Variants in MZT2B observed in about 807,000 individuals in gnomAD.
MZT2B encodes the protein mitotic-spindle organizing protein 2B.
In MZT2B, 11 loss-of-function variants were observed where a neutral mutation model predicts 12.1. The ratio of observed to expected loss-of-function variants is 0.91; its 90% CI spans 0.57 to 1.50. The LOEUF (loss-of-function observed/expected upper bound fraction) is 1.50. MZT2B is among the 40% of genes most tolerant of loss of function. The probability of loss-of-function intolerance (pLI) is 0.00; values close to 1 mark genes in which losing one functional copy is unlikely to be tolerated. For missense variants in MZT2B, 209 were observed against 227.7 expected (o/e 0.92, Z 0.53); for synonymous variants, 85 against 109.5 (o/e 0.78, Z 1.40).
At chr2:130,198,428 C>T in the MZT2B span, 1 of 1,350,396 alleles carries the variant, frequency 7.4e-7, no homozygotes, top group Admixed American at 2.2e-5. Context: ...CTGCTGAGCG[C>T]CCAACTGCAA....
chr2:130,187,561 G>A (rs1417786187), intron 2 of MZT2B, among the ~76,000 whole-genome samples: 1 of 152,160 alleles, frequency 6.6e-6, no homozygotes, highest in Non-Finnish European at 1.5e-5. Context: ...CAGGGACCAG[G>A]CGTAGGGGCA....
intron 2 of MZT2B, chr2:130,183,938 C>G (rs1414772156): frequency 6.4e-7 from 1 of 1,550,468 alleles, no homozygotes; most frequent in African/African-American, 1.4e-5. Context: ...CCCTCCGCCT[C>G]TCTTGCTGCC....
upstream of MZT2B, chr2:130,182,070 C>T (rs2104951160): frequency 7.4e-7 from 1 of 1,349,616 alleles, no homozygotes; most frequent in Admixed American, 3.2e-5. Context: ...CGCCATGCCA[C>T]TCCCGGCTCC....
chr2:130,183,687 C>G, intron 2 of MZT2B: 1 of 1,546,530 alleles, frequency 6.5e-7, no homozygotes, highest in Non-Finnish European at 8.7e-7. Flanking sequence ...GGCCTGGGCA[C>G]CCACACCCGC....
At chr2:130,204,706 G>C in the MZT2B span, among the ~76,000 whole-genome samples, 13 of 53,666 alleles carry the variant, frequency 2.4e-4, no homozygotes, top group South Asian at 1.7e-3. Context: ...AAAAAAAAAG[G>C]GGGGGTGGGG....
At chr2:130,196,164 C>T in the MZT2B span, 1 of 1,613,552 alleles carries the variant, frequency 6.2e-7, no homozygotes, top group Non-Finnish European at 8.5e-7. Context: ...ACAGTGGGCT[C>T]CAGGTCCACA....
In MZT2B at chr2:130,182,760, G is replaced by C; in HGVS notation, c.304G>C (p.Val102Leu). 6.6e-7 allele frequency: 1 copy of C among 1,508,958 alleles called. No homozygotes were observed. Among genetic ancestry groups the C allele is most frequent in the Non-Finnish European group, 8.9e-7 (1 of 1,125,330 alleles). 93.5% of individuals were successfully genotyped at this position (1,508,958 alleles called of 1,614,324 possible). The stretch of plus-strand genomic sequence containing the variant: ...GGCCGTGTCTCTGCCCACGTCGAGC[G>C]TGCCCGAGACCCGAGGTCAGAGCTG... ...PAAVSLPTSSVPETRGRNKGS... is the reference protein window; with the variant it reads ...PAAVSLPTSSLPETRGRNKGS... The change falls in exon 2 of 3, where the codon GTG (valine) becomes CTG (leucine). Residue 102 changes from valine to leucine, a missense_variant. Transcript: ENST00000281871.
At chr2:130,196,253 G>A in the MZT2B span, 3 of 1,613,994 alleles carry the variant, frequency 1.9e-6, no homozygotes, top group Non-Finnish European at 2.5e-6. Flanking sequence ...GCCACCAATG[G>A]TTTTATCACT....
At chr2:130,197,705 C>T in the MZT2B span, among the ~76,000 whole-genome samples, 1 of 123,794 alleles carries the variant, frequency 8.1e-6, no homozygotes, top group African/African-American at 2.8e-5. Context: ...GTTCCAGGCT[C>T]GGCTGATCCT....
intron 2 of MZT2B, among the ~76,000 whole-genome samples, chr2:130,187,398 C>T (rs549338935): frequency 1.3e-5 from 2 of 152,220 alleles, no homozygotes; most frequent in South Asian, 4.2e-4. Context: ...TGTGTTGTCC[C>T]AGCTGGTCTC....
downstream of MZT2B, chr2:130,190,758 T>A: frequency 7.0e-7 from 1 of 1,434,352 alleles, no homozygotes; most frequent in East Asian, 2.5e-5. Context: ...TTTTTTGTTT[T>A]TTTTTTTATA....
At chr2:130,184,248 G>A (rs1261078351) in intron 2 of MZT2B, 30 of 1,372,524 alleles carry the variant, frequency 2.2e-5, no homozygotes, top group Non-Finnish European at 2.4e-5. Flanking sequence ...CCCTCTCCAA[G>A]GGAAGACAGC....
intron 2 of MZT2B, 67 bp from the exon 3 acceptor site, chr2:130,190,399 CACG>C (rs1289691043): frequency 6.3e-6 from 10 of 1,587,762 alleles, no homozygotes; most frequent in Middle Eastern, 1.9e-4. Context: ...GCCCAAGGAC[CACG>C]AGTACAGCAG....
chr2:130,202,534 C>T, the MZT2B span: 1 of 1,141,306 alleles, frequency 8.8e-7, no homozygotes, highest in South Asian at 1.5e-5. Context: ...CTCCTTGGGA[C>T]TCCCACTCAT....
the MZT2B span, chr2:130,196,024 T>A: frequency 3.6e-6 from 5 of 1,379,520 alleles, no homozygotes; most frequent in South Asian, 6.0e-5. Flanking sequence ...CTCCTAACAA[T>A]GCCATGGGCA....
At chr2:130,194,413 G>A (rs370530687), downstream of MZT2B, 71 of 1,605,110 alleles carry the variant, frequency 4.4e-5, no homozygotes, top group Admixed American at 2.0e-4. Flanking sequence ...AGCCAGTGCC[G>A]CCCCCAAAGC....
downstream of MZT2B, chr2:130,195,029 A>T (rs1690369212): frequency 6.2e-7 from 1 of 1,602,074 alleles, no homozygotes; most frequent in Admixed American, 1.7e-5. Context: ...CATTCCAAGA[A>T]CTACCCCTCC....
the MZT2B span, chr2:130,202,209 A>C: frequency 1.0e-6 from 1 of 956,878 alleles, no homozygotes; most frequent in Non-Finnish European, 1.4e-6. Flanking sequence ...CAGCACTAAA[A>C]AAAACAGTCC....
chr2:130,186,235 C>A (rs555355683), intron 2 of MZT2B, among the ~76,000 whole-genome samples: 1 of 152,234 alleles, frequency 6.6e-6, no homozygotes, highest in South Asian at 2.1e-4. Context: ...GGGCCAGGCC[C>A]TCTCAAGCTT....
Sources: gnomAD v4.1 joint callset for allele counts (sites outside exome capture counted in the v4.1 genomes callset) on GRCh38, gnomAD v4.1.1 for gene constraint, MANE v1.5 for transcripts, NCBI Gene and HGNC (gene_info 2026-07-23, HGNC 2026-07-21) for gene names.